The following SV2C variants were observed in gnomAD, a reference collection of about 807,000 sequenced individuals.
SV2C encodes solute carrier family 22 member B3.
SV2C carries 49 observed loss-of-function variants against 79.7 expected under a neutral mutation model. That is an observed-to-expected ratio of 0.61 (90% CI 0.49 to 0.78). The LOEUF is 0.78. SV2C is among the 30% of genes least tolerant of loss of function. The pLI is 0.00. For synonymous variants in SV2C, 334 were observed against 333.2 expected (o/e 1.00, Z -0.03); for missense variants, 833 against 912.9 (o/e 0.91, Z 1.13).
intron 3 of SV2C, among the ~76,000 whole-genome samples, chr5:76,198,224 A>C (rs1415857086): frequency 1.3e-5 from 2 of 152,186 alleles, no homozygotes; most frequent in Non-Finnish European, 2.9e-5. Context: ...TCCAAATCTT[A>C]CGTTGAAATT....
chr5:76,111,662 C>A (rs144276316), intron 1 of SV2C, among the ~76,000 whole-genome samples: 9 of 152,210 alleles, frequency 5.9e-5, no homozygotes, highest in South Asian at 4.1e-4. Context: ...GCTAATTTGC[C>A]CCCCCAGGAT....
At chr5:76,212,476 T>TC (rs1464044005) in intron 4 of SV2C, among the ~76,000 whole-genome samples, 1 of 152,066 alleles carries the variant, frequency 6.6e-6, no homozygotes, top group Admixed American at 6.5e-5. Flanking sequence ...TTTCTTTTTT[T>TC]TTTTTTAATA....
At chr5:76,070,389 TC>T in the SV2C span, among the ~76,000 whole-genome samples, 24 of 152,246 alleles carry the variant, frequency 1.6e-4, no homozygotes, top group South Asian at 5.0e-3. Context: ...GTTTCTACTG[TC>T]CCCAAGGTTA....
intron 4 of SV2C, among the ~76,000 whole-genome samples, chr5:76,257,734 A>G (rs1579994764): frequency 6.7e-6 from 1 of 148,184 alleles, no homozygotes; most frequent in Non-Finnish European, 1.5e-5. Flanking sequence ...ATGAGTGTGT[A>G]GTGTGTTGGG....
At chr5:76,285,469 AG>A in intron 5 of SV2C, 174 bp downstream of exon 5, 1 of 901,536 alleles carries the variant, frequency 1.1e-6, no homozygotes, top group Non-Finnish European at 1.6e-6. Flanking sequence ...CATGTAAAAA[AG>A]CTGCCTCATG....
the SV2C span, among the ~76,000 whole-genome samples, chr5:76,008,770 C>A: frequency 1.3e-5 from 2 of 152,110 alleles, no homozygotes; most frequent in Admixed American, 6.6e-5. Flanking sequence ...TTTCACTTAT[C>A]CAATCTAAAC....
At chr5:76,166,607 G>GAA (rs1426455467) in intron 2 of SV2C, among the ~76,000 whole-genome samples, 3 of 152,002 alleles carry the variant, frequency 2.0e-5, no homozygotes, top group East Asian at 1.9e-4. Context: ...TAGGAGCTAG[G>GAA]GTCAAACCAG....
the SV2C span, among the ~76,000 whole-genome samples, chr5:75,908,178 T>C: frequency 0.017 from 2,515 of 152,360 alleles, 36 homozygotes; most frequent in African/African-American, 0.043. Context: ...TATTGGCAGT[T>C]GCTCTTGTTT....
intron 4 of SV2C, among the ~76,000 whole-genome samples, chr5:76,255,201 T>C (rs1427424198): frequency 6.6e-6 from 1 of 152,264 alleles, no homozygotes; most frequent in East Asian, 1.9e-4. Context: ...GTTTTGCAGA[T>C]AAATTTATTT....
intron 1 of SV2C, among the ~76,000 whole-genome samples, chr5:76,122,887 A>C (rs1326976812): frequency 6.6e-6 from 1 of 152,174 alleles, no homozygotes; most frequent in African/African-American, 2.4e-5. Context: ...GCAGAACTGA[A>C]GGAAATACAA....
the SV2C span, chr5:75,921,338 A>T: frequency 9.2e-7 from 1 of 1,092,510 alleles, no homozygotes; most frequent in Non-Finnish European, 1.4e-6. Context: ...GCTCACATCC[A>T]CATGCTGCCT....
chr5:75,948,989 G>A, the SV2C span, among the ~76,000 whole-genome samples: 9 of 151,942 alleles, frequency 5.9e-5, no homozygotes, highest in Non-Finnish European at 1.5e-5. Context: ...GTTGGAGATG[G>A]AGCCTGGTGG....
chr5:76,086,021 G>A (rs947460868), intron 1 of SV2C, among the ~76,000 whole-genome samples: 5 of 152,088 alleles, frequency 3.3e-5, no homozygotes, highest in Non-Finnish European at 7.4e-5. Context: ...AAAAAAAGAA[G>A]CTCTGGATCA....
the SV2C span, among the ~76,000 whole-genome samples, chr5:76,030,289 T>TTTTTTTTTTTTTTTATTTATTTA: frequency 1.7e-5 from 2 of 117,874 alleles, no homozygotes; most frequent in African/African-American, 7.8e-5. Flanking sequence ...TTTTTTTTTT[T>TTTTTTTTTTTTTTTATTTATTTA]TTTATTTATT....
chr5:75,910,423 T>C, the SV2C span: 2 of 595,686 alleles, frequency 3.4e-6, no homozygotes, highest in East Asian at 8.6e-5. Flanking sequence ...TTTCTGATAC[T>C]CTTTTTGAAC....
At chr5:75,853,511 G>A in the SV2C span, among the ~76,000 whole-genome samples, 22 of 139,338 alleles carry the variant, frequency 1.6e-4, no homozygotes, top group East Asian at 4.4e-3. Flanking sequence ...AGCACAGATC[G>A]CGCCACTGCA....
chr5:76,323,715 G>A (rs1307097688), intron 12 of SV2C, among the ~76,000 whole-genome samples: 1 of 152,200 alleles, frequency 6.6e-6, no homozygotes, highest in Non-Finnish European at 1.5e-5. Flanking sequence ...CATAAAAAAG[G>A]AATGAGATAA....
intron 4 of SV2C, among the ~76,000 whole-genome samples, chr5:76,235,671 G>A (rs962575154): frequency 6.7e-6 from 1 of 150,124 alleles, no homozygotes; most frequent in South Asian, 2.1e-4. Context: ...CCTTTGCTTA[G>A]TGCAATAAAA....
At chr5:76,163,082 C>T (rs1742941450) in intron 2 of SV2C, among the ~76,000 whole-genome samples, 1 of 152,206 alleles carries the variant, frequency 6.6e-6, no homozygotes, top group Non-Finnish European at 1.5e-5. Context: ...TTCACTGCCA[C>T]CAGAAAACCT....
Sources: allele counts gnomAD v4.1 joint callset (sites outside exome capture counted in the v4.1 genomes callset), GRCh38; gene constraint gnomAD v4.1.1; transcripts MANE v1.5; gene names NCBI Gene and HGNC (gene_info 2026-07-23, HGNC 2026-07-21).